The following USP47 variants were observed in gnomAD, a reference collection of about 807,000 sequenced individuals.
USP47 encodes ubiquitin carboxyl-terminal hydrolase 47.
USP47 carries 35 observed loss-of-function variants against 165.1 expected under a neutral mutation model. The ratio of observed to expected loss-of-function variants is 0.21; its 90% CI spans 0.16 to 0.28. The LOEUF (loss-of-function observed/expected upper bound fraction) is 0.28. Among genes scored for constraint, USP47 ranks in the 10% least tolerant of loss-of-function variants. The pLI is 1.00. For synonymous variants in USP47, 531 were observed against 544.5 expected (o/e 0.98, Z 0.35); for missense variants, 1,277 against 1,607.4 (o/e 0.79, Z 3.52).
chr11:11,893,472 TGTCACCCAG>T (rs2134391077), intron 4 of USP47, among the ~76,000 whole-genome samples: 1 of 152,316 alleles, frequency 6.6e-6, no homozygotes, highest in Admixed American at 6.5e-5. Flanking sequence ...AGTCTTGCTT[TGTCACCCAG>T]GCTGGAGTGC....
chr11:11,945,938 C>G (rs540629391), intron 20 of USP47, among the ~76,000 whole-genome samples: 11 of 144,286 alleles, frequency 7.6e-5, no homozygotes, highest in Non-Finnish European at 1.4e-4. Flanking sequence ...CTGTCCCCCC[C>G]CCAAAAAAAA....
rs1856108998 is a variant in USP47 at position 11,949,979 on chromosome 11, T to C, written c.3439T>C (p.Cys1147Arg). 1 of 1,612,402 alleles carries C rather than the reference T, an allele frequency of 6.2e-7. No individual in the cohort carries two copies. Among genetic ancestry groups the C allele is most frequent in the Non-Finnish European group, 8.5e-7 (1 of 1,179,004 alleles). The part of the protein sequence containing the change: ...EELIPQLREQ[C>R]GLELSIDRFR... ...ATTAATTCCTCAGCTCAGGGAGCAA[T>C]GTGGTTTAGAGCTCAGTATTGACAG... Residue 1147 changes from cysteine (C) to arginine (R), a missense_variant, in exon 23 of 28, where the codon TGT (cysteine) becomes CGT (arginine). Cys to Arg is a radical substitution (Grantham distance 180). Around this residue, in one of 4 missense-constraint regions of USP47, gnomAD observed 909 missense variants for 1,068.1 expected, o/e 0.85. Transcript: ENST00000527733.
chr11:11,960,011 A>AT lies in USP47; in HGVS notation c.*3843dup, dbSNP rs1847382885. 1.3e-5 allele frequency among the ~76,000 whole-genome samples: 2 copies of AT among 151,932 alleles called. No individual in the cohort carries two copies. Among genetic ancestry groups the AT allele is most frequent in the African/African-American group, 4.8e-5 (2 of 41,342 alleles). On this transcript the variant is annotated 3_prime_UTR_variant, in exon 28 of 28. Transcript: ENST00000527733. The stretch of plus-strand genomic sequence containing the variant: ...GGAGATAAAAATACTCAATGCTTAC[A>AT]TTTTTTTCATAACTGTGCCAATTGT...
Position 11,948,509 on chromosome 11 carries a change from AAGG to A in USP47, c.3302_3304del (p.Gly1101del). 1 of 1,613,212 alleles carries A rather than the reference AAGG, an allele frequency of 6.2e-7. No homozygotes were observed. Among genetic ancestry groups the A allele is most frequent in the Non-Finnish European group, 8.5e-7 (1 of 1,179,316 alleles). On this transcript the variant is annotated inframe_deletion, in exon 22 of 28. Transcript: ENST00000527733. ...ATTAGACTGGGGAGAGCACTTAAAAAAGGAGAATACAGAGTTAAAGTATACCAG... is the reference window on the plus strand; with the variant it reads ...ATTAGACTGGGGAGAGCACTTAAAAAAGAATACAGAGTTAAAGTATACCAG...
intron 8 of USP47, among the ~76,000 whole-genome samples, chr11:11,914,184 A>G (rs1185904634): frequency 6.6e-6 from 1 of 152,152 alleles, no homozygotes; most frequent in Non-Finnish European, 1.5e-5. Flanking sequence ...AATCAAGACT[A>G]TGTGATATTG....
chr11:11,900,195 G>T (rs1360228638), intron 5 of USP47, among the ~76,000 whole-genome samples: 1 of 123,834 alleles, frequency 8.1e-6, no homozygotes, highest in Non-Finnish European at 1.6e-5. Context: ...GAGTCTCGCT[G>T]TCGCCCAGGC....
At chr11:11,874,562 C>CTT (rs563500431) in intron 1 of USP47, among the ~76,000 whole-genome samples, 22 of 145,010 alleles carry the variant, frequency 1.5e-4, no homozygotes, top group South Asian at 4.4e-4. Flanking sequence ...GAAGCTGATA[C>CTT]TTTTTTTTTT....
intron 20 of USP47, among the ~76,000 whole-genome samples, chr11:11,944,579 A>C (rs1335881609): frequency 6.6e-6 from 1 of 152,142 alleles, no homozygotes; most frequent in Non-Finnish European, 1.5e-5. Context: ...TGAAATTGAT[A>C]TTGTTAGACC....
At chr11:11,930,664 G>A in intron 13 of USP47, 32 bp from the exon 14 acceptor site, 1 of 1,490,804 alleles carries the variant, frequency 6.7e-7, no homozygotes, top group African/African-American at 1.4e-5. Flanking sequence ...TCTACTTTTT[G>A]TCCTTATTAA....
chr11:11,903,238 C>G, intron 6 of USP47, 25 bp from the exon 7 acceptor site: 1 of 1,594,694 alleles, frequency 6.3e-7, no homozygotes, highest in Non-Finnish European at 8.6e-7. Flanking sequence ...ATAGCTATTT[C>G]TAATTGAATT....
intron 1 of USP47, among the ~76,000 whole-genome samples, chr11:11,879,208 C>G (rs1282660886): frequency 6.6e-6 from 1 of 151,950 alleles, no homozygotes; most frequent in Non-Finnish European, 1.5e-5. Flanking sequence ...TTGCTGCAGG[C>G]AAGAATAAAG....
chr11:11,894,085 G>A (rs1851705035), intron 4 of USP47, among the ~76,000 whole-genome samples: 1 of 152,112 alleles, frequency 6.6e-6, no homozygotes, highest in African/African-American at 2.4e-5. Context: ...TAATTAAACT[G>A]TTTCCCATTA....
intron 1 of USP47, among the ~76,000 whole-genome samples, chr11:11,868,036 T>G (rs976711689): frequency 1.3e-5 from 2 of 152,180 alleles, no homozygotes; most frequent in African/African-American, 4.8e-5. Context: ...GAAGGAGAGG[T>G]TGAAAAATAG....
intron 24 of USP47, 90 bp downstream of exon 24, chr11:11,950,572 G>A (rs537105337): frequency 2.4e-5 from 21 of 890,800 alleles, no homozygotes; most frequent in Middle Eastern, 3.2e-4. Context: ...AATGAGTTAC[G>A]AGGAATCTAA....
At chr11:11,955,223 C>T in intron 27 of USP47, 59 bp downstream of exon 27, 1 of 1,560,954 alleles carries the variant, frequency 6.4e-7, no homozygotes, top group South Asian at 1.2e-5. Flanking sequence ...GCATACATAT[C>T]TTATTTTCCA....
intron 22 of USP47, 50 bp from the exon 23 acceptor site, chr11:11,949,839 T>G: frequency 8.1e-7 from 1 of 1,230,716 alleles, no homozygotes. Flanking sequence ...TTAATATTAA[T>G]GTACTTAAGG....
intron 11 of USP47, among the ~76,000 whole-genome samples, chr11:11,928,026 TTGC>T (rs1279956731): frequency 6.6e-6 from 1 of 152,050 alleles, no homozygotes; most frequent in Non-Finnish European, 1.5e-5. Context: ...CATCTAGAAG[TTGC>T]TGCTATTAGA....
chr11:11,876,494 G>A (rs996398850), intron 1 of USP47, among the ~76,000 whole-genome samples: 1 of 152,114 alleles, frequency 6.6e-6, no homozygotes, highest in Non-Finnish European at 1.5e-5. Flanking sequence ...GACTTAATAG[G>A]GCATTTAGTT....
chr11:11,860,059 G>A (rs906035899), intron 1 of USP47, among the ~76,000 whole-genome samples: 3 of 149,608 alleles, frequency 2.0e-5, no homozygotes, highest in Non-Finnish European at 3.0e-5. Context: ...AGCCAAGATC[G>A]CGCCACTGCA....
Sources: gnomAD v4.1 joint callset for allele counts (sites outside exome capture counted in the v4.1 genomes callset) on GRCh38, gnomAD v4.1.1 for gene constraint, gnomAD v4.1.1 regional missense constraint, MANE v1.5 for transcripts, NCBI Gene and HGNC (gene_info 2026-07-23, HGNC 2026-07-21) for gene names.